The following ACOXL variants were observed in gnomAD, a reference collection of about 807,000 sequenced individuals.
ACOXL encodes the protein acyl-CoA oxidase like.
A neutral mutation model predicts 71.9 loss-of-function variants in ACOXL; 70 were observed. The ratio of observed to expected loss-of-function variants is 0.97; its 90% CI spans 0.80 to 1.19. ACOXL has a LOEUF of 1.19. ACOXL is among the 50% of genes most tolerant of loss of function. The pLI is 0.00. For synonymous variants in ACOXL, 253 were observed against 281.6 expected, an observed-to-expected ratio of 0.90 and a Z score of 1.02; for missense variants, 703 against 736.3, an observed-to-expected ratio of 0.95 and a Z score of 0.52.
At chr2:111,112,209 T>C (rs534010429) in intron 17 of ACOXL, among the ~76,000 whole-genome samples, 7 of 152,274 alleles carry the variant, frequency 4.6e-5, no homozygotes, top group African/African-American at 1.4e-4. Flanking sequence ...AATAGACCTG[T>C]GGAATGTCAT....
intron 16 of ACOXL, among the ~76,000 whole-genome samples, chr2:111,082,697 G>A (rs967598763): frequency 6.6e-6 from 1 of 152,066 alleles, no homozygotes; most frequent in African/African-American, 2.4e-5. Flanking sequence ...TATACCCAAA[G>A]GATTATAAAT....
chr2:110,830,679 G>A (rs1012237178), intron 9 of ACOXL, among the ~76,000 whole-genome samples: 54 of 151,916 alleles, frequency 3.6e-4, no homozygotes, highest in African/African-American at 1.2e-3. Context: ...GACTACAGGC[G>A]CCCGCCACCA....
chr2:110,806,447 T>C (rs1686653235), intron 9 of ACOXL, among the ~76,000 whole-genome samples: 1 of 152,174 alleles, frequency 6.6e-6, no homozygotes. Context: ...CCAGAAAGCC[T>C]TGTGGTGAAG....
Position 110,908,852 on chromosome 2 carries a change from C to T in ACOXL, c.852C>T (p.Thr284=). The T allele has an allele frequency of 6.2e-7, 1 of 1,614,080 alleles. No individual in the cohort carries two copies. Among genetic ancestry groups the T allele is most frequent in the Non-Finnish European group, 8.5e-7 (1 of 1,179,974 alleles). ...AGATCATTGAGCACCAAACACAGAC[C>T]CTGCGGCTGATGCCCCACCTGGCCA... ...EVKIIEHQTQ[T]LRLMPHLATA... The change falls in exon 11 of 18, where the codon ACC becomes ACT. Residue 284 remains threonine (T), a synonymous_variant. Coordinates refer to ENST00000439055, the MANE Select transcript of ACOXL (RefSeq NM_001142807.4).
At chr2:111,010,194 A>G (rs1377880163) in intron 14 of ACOXL, among the ~76,000 whole-genome samples, 1 of 152,202 alleles carries the variant, frequency 6.6e-6, no homozygotes, top group Non-Finnish European at 1.5e-5. Flanking sequence ...ATATGAATTT[A>G]TAAAAGAGTA....
intron 15 of ACOXL, among the ~76,000 whole-genome samples, chr2:111,037,263 A>G (rs970864134): frequency 1.3e-5 from 2 of 152,120 alleles, no homozygotes; most frequent in African/African-American, 4.8e-5. Context: ...AAGTGCTGTC[A>G]CACCCCTGAA....
At chr2:110,873,635 T>G (rs778380095) in intron 10 of ACOXL, among the ~76,000 whole-genome samples, 8 of 152,106 alleles carry the variant, frequency 5.3e-5, no homozygotes, top group Non-Finnish European at 1.2e-4. Flanking sequence ...TCAGAGCAGA[T>G]GGAGTAGAGC....
intron 9 of ACOXL, among the ~76,000 whole-genome samples, chr2:110,812,203 CAT>C (rs760128195): frequency 6.6e-6 from 1 of 152,196 alleles, no homozygotes; most frequent in Non-Finnish European, 1.5e-5. Flanking sequence ...TCTTTAAAAA[CAT>C]ATGTTTGCAG....
At chr2:110,763,163 T>G (rs1016543472) in intron 1 of ACOXL, among the ~76,000 whole-genome samples, 1 of 152,204 alleles carries the variant, frequency 6.6e-6, no homozygotes, top group Non-Finnish European at 1.5e-5. Context: ...GGCAAGTTAT[T>G]TCATGGATAT....
At chr2:110,795,115 G>A (rs1018566492) in intron 5 of ACOXL, among the ~76,000 whole-genome samples, 17 of 152,192 alleles carry the variant, frequency 1.1e-4, no homozygotes, top group African/African-American at 3.9e-4. Context: ...GTGCCCGAGC[G>A]TGGCTGCGGG....
intron 17 of ACOXL, among the ~76,000 whole-genome samples, chr2:111,097,289 A>G (rs868504313): frequency 2.0e-5 from 3 of 152,356 alleles, no homozygotes; most frequent in South Asian, 2.1e-4. Flanking sequence ...TTGTTATTCT[A>G]TATGACCCCA....
chr2:111,027,325 C>A (rs999041257), intron 14 of ACOXL, among the ~76,000 whole-genome samples: 3 of 142,102 alleles, frequency 2.1e-5, no homozygotes, highest in Non-Finnish European at 4.6e-5. Flanking sequence ...GAAAATTATT[C>A]TTTTTTTTTT....
chr2:111,047,201 C>T (rs185273062), intron 15 of ACOXL, among the ~76,000 whole-genome samples: 1 of 152,246 alleles, frequency 6.6e-6, no homozygotes, highest in African/African-American at 2.4e-5. Flanking sequence ...ATTGGATGTA[C>T]AGAGTTCAAG....
chr2:110,744,607 T>C (rs746684572), intron 1 of ACOXL, among the ~76,000 whole-genome samples: 2 of 152,170 alleles, frequency 1.3e-5, no homozygotes, highest in Non-Finnish European at 2.9e-5. Context: ...ACCAGTCACT[T>C]CACACTCCTC....
At chr2:110,966,449 C>T (rs2061933794) in intron 12 of ACOXL, among the ~76,000 whole-genome samples, 1 of 152,190 alleles carries the variant, frequency 6.6e-6, no homozygotes, top group South Asian at 2.1e-4. Context: ...TTCTCCCCAC[C>T]CTTGGTGTCT....
At chr2:110,938,390 C>T (rs1454706608) in intron 12 of ACOXL, among the ~76,000 whole-genome samples, 1 of 152,226 alleles carries the variant, frequency 6.6e-6, no homozygotes, top group Non-Finnish European at 1.5e-5. Context: ...TGCCTTCAGG[C>T]CCCAGCACCA....
chr2:110,996,032 C>T (rs201881043), intron 14 of ACOXL, 28 bp downstream of exon 14: 396 of 1,563,352 alleles, frequency 2.5e-4, no homozygotes, highest in Non-Finnish European at 3.2e-4. Context: ...TATATTTTTC[C>T]TTTTGACATG....
intron 14 of ACOXL, among the ~76,000 whole-genome samples, chr2:111,013,276 G>A (rs927270036): frequency 6.6e-6 from 1 of 152,110 alleles, no homozygotes; most frequent in African/African-American, 2.4e-5. Flanking sequence ...TGTAATCCCA[G>A]CACTTTGGGA....
At chr2:110,798,879 A>G (rs1169633221) in intron 6 of ACOXL, 135 bp from the exon 7 acceptor site, 1 of 1,142,344 alleles carries the variant, frequency 8.8e-7, no homozygotes, top group African/African-American at 1.5e-5. Flanking sequence ...ACATTTTGAC[A>G]TTATATGCTC....
Sources: gnomAD v4.1 joint callset for allele counts (sites outside exome capture counted in the v4.1 genomes callset) on GRCh38, gnomAD v4.1.1 for gene constraint, MANE v1.5 for transcripts, NCBI Gene and HGNC (gene_info 2026-07-23, HGNC 2026-07-21) for gene names.